Variants in KLHDC1 observed in about 807,000 individuals in gnomAD.
The protein encoded by KLHDC1 is kelch domain-containing protein 1.
A neutral mutation model predicts 68.3 loss-of-function variants in KLHDC1; 53 were observed. The observed-to-expected ratio is 0.78, with a 90% confidence interval of 0.62 to 0.98. The LOEUF (loss-of-function observed/expected upper bound fraction) is 0.98. Among genes scored for constraint, KLHDC1 ranks in the 50% least tolerant of loss-of-function variants. The probability of loss-of-function intolerance (pLI) is 0.00; values close to 1 mark genes in which losing one functional copy is unlikely to be tolerated. For synonymous variants in KLHDC1, 148 were observed against 159.0 expected (o/e 0.93, Z 0.52); for missense variants, 470 against 492.3 (o/e 0.95, Z 0.43).
rs375360303 is a variant in KLHDC1, at chr14:49,740,213, C to G, written c.981+31C>G. Reference sequence around the variant, plus strand: ...AAAATCTTATATCTAAATATTTCCTCTGAGTAGTTGTGTTATTCACACTAA... The same window carrying G: ...AAAATCTTATATCTAAATATTTCCTGTGAGTAGTTGTGTTATTCACACTAA... On this transcript the variant is annotated intron_variant, in intron 11 of 12. Transcript: ENST00000359332. The G allele has an allele frequency of 5.2e-6, 7 of 1,339,594 alleles. No homozygotes were observed. In the African/African-American group the frequency reaches 7.3e-5, roughly 14 times the overall value. 83.0% of individuals were successfully genotyped at this position (1,339,594 alleles called of 1,614,324 possible). A position where few individuals can be genotyped will look rare whatever the true frequency, so the allele number is the denominator to read the frequency against.
At chr14:49,733,819 G>A (rs1888871590) in intron 9 of KLHDC1, among the ~76,000 whole-genome samples, 1 of 152,026 alleles carries the variant, frequency 6.6e-6, no homozygotes, top group Admixed American at 6.6e-5. Flanking sequence ...TATATATTAG[G>A]GTCTGGAAAC....
chr14:49,714,246 C>T lies in KLHDC1; in HGVS notation c.404+3865C>T, dbSNP rs539117550. ...CCCAGCACTTTGGGAGGCCGAGGCGCGCAGATCACACGGTCAGAAGTTCGA... is the reference window on the plus strand; with the variant it reads ...CCCAGCACTTTGGGAGGCCGAGGCGTGCAGATCACACGGTCAGAAGTTCGA... On this transcript the variant is annotated intron_variant, in intron 4 of 12. Coordinates refer to ENST00000359332, the MANE Select transcript of KLHDC1 (RefSeq NM_172193.3). Among the ~76,000 whole-genome samples, 70 of 148,476 alleles carry T rather than the reference C, an allele frequency of 4.7e-4. 1 individual carries two copies. The highest frequency in any genetic ancestry group is 4.0e-3 in the Admixed American group (59 of 14,896).
intron 4 of KLHDC1, among the ~76,000 whole-genome samples, chr14:49,722,216 A>G (rs944442213): frequency 8.5e-5 from 13 of 152,240 alleles, no homozygotes; most frequent in East Asian, 1.9e-4. Context: ...CCATGTTGGT[A>G]TGCTGCACCC....
chr14:49,696,476 T>C (rs760972938), intron 1 of KLHDC1, among the ~76,000 whole-genome samples: 3 of 152,170 alleles, frequency 2.0e-5, no homozygotes, highest in Non-Finnish European at 4.4e-5. Flanking sequence ...TCACCGTGCC[T>C]GGCCTTACCT....
intron 4 of KLHDC1, among the ~76,000 whole-genome samples, chr14:49,711,940 G>A (rs1232337233): frequency 2.5e-5 from 2 of 78,842 alleles, no homozygotes; most frequent in African/African-American, 1.1e-4. Flanking sequence ...TTTTTTTTGA[G>A]GCAGAATCTC....
At position 49,731,975 on chromosome 14, in the gene KLHDC1, G is replaced by C. The variant is rs566537598; in HGVS notation, c.711-729G>C. 3.1e-4 allele frequency among the ~76,000 whole-genome samples: 47 copies of C among 152,140 alleles called. No individual in the cohort carries two copies. In the South Asian group the frequency reaches 6.4e-3, roughly 21 times the overall value. ...GAAGATAATGTTTTGGGAAATTCTA[G>C]AAGTAGATCAAAGTAAAAAACAACA... On this transcript the variant is annotated intron_variant, in intron 8 of 12. Coordinates refer to ENST00000359332, the MANE Select transcript of KLHDC1 (RefSeq NM_172193.3).
chr14:49,751,592 C>G lies in KLHDC1; in HGVS notation c.1041C>G (p.Cys347Trp). ...QTQPYSLLRS[C>W]LDCIGKNSIM... is the part of the protein sequence containing the mutation. ...TGTTATGTTTTATTTACAGGTCATG[C>G]CTTGACTGCATTGGTAAAAATTCTA... is the stretch of plus-strand genomic sequence containing the variant. Residue 347 changes from cysteine to tryptophan, a missense_variant, in exon 13 of 13, where the codon TGC (cysteine) becomes TGG (tryptophan). By Grantham distance (215) the Cys-to-Trp change is radical (BLOSUM62 -2). Transcript: ENST00000359332. 3 of 1,531,926 alleles carry G rather than the reference C, an allele frequency of 2.0e-6. No individual in the cohort carries two copies. The highest frequency in any genetic ancestry group is 4.7e-5 in the East Asian group (2 of 42,948). 94.9% of individuals were successfully genotyped at this position (1,531,926 alleles called of 1,614,324 possible). A position where few individuals can be genotyped will look rare whatever the true frequency, so the allele number is the denominator to read the frequency against.
intron 4 of KLHDC1, among the ~76,000 whole-genome samples, chr14:49,720,980 A>G (rs1424493757): frequency 1.3e-5 from 2 of 151,616 alleles, no homozygotes; most frequent in Non-Finnish European, 2.9e-5. Flanking sequence ...GTTCTTTTTT[A>G]TGGTTCTATC....
At chr14:49,745,388 C>A (rs1040008490) in intron 12 of KLHDC1, among the ~76,000 whole-genome samples, 1 of 152,178 alleles carries the variant, frequency 6.6e-6, no homozygotes, top group Non-Finnish European at 1.5e-5. Context: ...ATTGCAAGTT[C>A]CTCATATGCA....
chr14:49,703,877 G>A (rs1303813457), intron 1 of KLHDC1, among the ~76,000 whole-genome samples: 6 of 152,096 alleles, frequency 3.9e-5, no homozygotes, highest in Non-Finnish European at 4.4e-5. Context: ...GTGAATATTT[G>A]AATGTTTCTA....
intron 8 of KLHDC1, among the ~76,000 whole-genome samples, chr14:49,729,867 C>T (rs1566613048): frequency 3.3e-5 from 5 of 152,076 alleles, no homozygotes; most frequent in Admixed American, 2.0e-4. Context: ...GGAGTAAAGT[C>T]GGATTTTATT....
intron 4 of KLHDC1, among the ~76,000 whole-genome samples, chr14:49,720,077 C>G (rs973677697): frequency 1.3e-5 from 2 of 151,948 alleles, no homozygotes; most frequent in African/African-American, 4.8e-5. Flanking sequence ...ACCTCCACCT[C>G]CCAGGTTCAA....
At chr14:49,724,631 ATGT>A (rs1004310328) in intron 5 of KLHDC1, among the ~76,000 whole-genome samples, 3 of 151,760 alleles carry the variant, frequency 2.0e-5, no homozygotes, top group African/African-American at 7.3e-5. Flanking sequence ...CCATGTTTCT[ATGT>A]TGTTTTTGAG....
intron 12 of KLHDC1, among the ~76,000 whole-genome samples, chr14:49,745,629 G>A (rs1019954706): frequency 1.3e-5 from 2 of 152,344 alleles, no homozygotes; most frequent in Middle Eastern, 6.8e-3. Context: ...AAAGGTTAGG[G>A]AAGTCTTTGC....
chr14:49,697,992 A>T (rs949673480), intron 1 of KLHDC1, among the ~76,000 whole-genome samples: 1 of 152,226 alleles, frequency 6.6e-6, no homozygotes, highest in African/African-American at 2.4e-5. Flanking sequence ...ATTGTGCTTT[A>T]TGAGTGTCTG....
chr14:49,695,186 G>A (rs1014063164), intron 1 of KLHDC1, among the ~76,000 whole-genome samples: 1 of 149,360 alleles, frequency 6.7e-6, no homozygotes, highest in African/African-American at 2.5e-5. Context: ...TGCCTCCCAG[G>A]TTCAAGCGAT....
chr14:49,704,004 A>G (rs1198006631), intron 1 of KLHDC1, among the ~76,000 whole-genome samples: 1 of 152,230 alleles, frequency 6.6e-6, no homozygotes, highest in East Asian at 1.9e-4. Flanking sequence ...TGATATGCAC[A>G]TCTCCAAAAT....
chr14:49,700,232 G>C (rs1043052782), intron 1 of KLHDC1: 7 of 185,234 alleles, frequency 3.8e-5, no homozygotes, highest in Non-Finnish European at 1.2e-5. Context: ...TCACCATGTT[G>C]GTCAGGCTGG....
At chr14:49,720,763 T>G (rs1398190348) in intron 4 of KLHDC1, among the ~76,000 whole-genome samples, 1 of 152,208 alleles carries the variant, frequency 6.6e-6, no homozygotes, top group Non-Finnish European at 1.5e-5. Flanking sequence ...TCCCATTCTT[T>G]CCTTTTCTTT....
Sources: allele counts gnomAD v4.1 joint callset (sites outside exome capture counted in the v4.1 genomes callset), GRCh38; gene constraint gnomAD v4.1.1; transcripts MANE v1.5; gene names NCBI Gene and HGNC (gene_info 2026-07-23, HGNC 2026-07-21).